Variants in CTNNA2 observed in about 807,000 individuals in gnomAD.
CTNNA2 encodes catenin alpha 2.
Under a neutral mutation model 101.0 loss-of-function variants are expected in CTNNA2, and 42 were observed. The ratio of observed to expected loss-of-function variants is 0.42; its 90% CI spans 0.32 to 0.54. The LOEUF (loss-of-function observed/expected upper bound fraction) is 0.54. Among genes scored for constraint, CTNNA2 ranks in the 20% least tolerant of loss-of-function variants. The pLI is 0.14. For synonymous variants in CTNNA2, 450 were observed against 456.4 expected (o/e 0.99, Z 0.18); for missense variants, 871 against 1,223.1 (o/e 0.71, Z 4.29).
At chr2:80,588,480 G>A (rs1328119711) in intron 14 of CTNNA2, among the ~76,000 whole-genome samples, 2 of 152,126 alleles carry the variant, frequency 1.3e-5, no homozygotes, top group South Asian at 2.1e-4. Context: ...AAATGACCAC[G>A]AAAATGCTAC....
intron 2 of CTNNA2, among the ~76,000 whole-genome samples, chr2:79,712,269 AC>A (rs1241558851): frequency 3.3e-5 from 5 of 152,192 alleles, no homozygotes; most frequent in Non-Finnish European, 5.9e-5. Flanking sequence ...TTCAGCTCCT[AC>A]CAAGCAATGC....
At chr2:79,664,182 A>G (rs1015605447) in intron 2 of CTNNA2, among the ~76,000 whole-genome samples, 4 of 152,190 alleles carry the variant, frequency 2.6e-5, no homozygotes, top group African/African-American at 9.6e-5. Flanking sequence ...TTTCTTATAT[A>G]TTGCATATGC....
At chr2:80,215,962 C>T (rs906044356) in intron 7 of CTNNA2, among the ~76,000 whole-genome samples, 1 of 152,196 alleles carries the variant, frequency 6.6e-6, no homozygotes, top group African/African-American at 2.4e-5. Context: ...TCAGCAATGG[C>T]AGACACCCCT....
At chr2:79,284,797 C>T (rs540710625) in intron 2 of CTNNA2, among the ~76,000 whole-genome samples, 6 of 148,988 alleles carry the variant, frequency 4.0e-5, no homozygotes, top group East Asian at 4.0e-4. Flanking sequence ...GGAGGATTCC[C>T]TCTTTTTCTA....
chr2:79,651,555 G>A lies in CTNNA2; in HGVS notation c.-2G>A, dbSNP rs771933901. 8 of 1,613,230 alleles carry A rather than the reference G, an allele frequency of 5.0e-6. No individual in the cohort carries two copies. The highest frequency in any genetic ancestry group is 1.1e-5 in the South Asian group (1 of 91,054). ...CTGATTACATGTGTTCCCATAGGGA[G>A]CATGACTTCGGCAACTTCACCTATC... is the stretch of plus-strand genomic sequence containing the variant. On this transcript the variant is annotated 5_prime_UTR_variant, in exon 2 of 19. Transcript: ENST00000402739.
chr2:80,332,673 G>A lies in CTNNA2; in HGVS notation c.1057-60538G>A, dbSNP rs185824533. Reference sequence around the variant, plus strand: ...GAAATCAAAGCCATTTTAGAAAGACGAGTTAGAGAGCAGGCATGGTATGAT... The same window carrying A: ...GAAATCAAAGCCATTTTAGAAAGACAAGTTAGAGAGCAGGCATGGTATGAT... On this transcript the variant is annotated intron_variant, in intron 7 of 18. Transcript: ENST00000402739. 7.2e-5 allele frequency among the ~76,000 whole-genome samples: 11 copies of A among 152,172 alleles called. No homozygotes were observed. The East Asian group carries it at 9.6e-4, about 13-fold the overall frequency.
chr2:79,952,197 A>G (rs1478405120), intron 7 of CTNNA2, among the ~76,000 whole-genome samples: 2 of 152,066 alleles, frequency 1.3e-5, no homozygotes, highest in African/African-American at 4.8e-5. Context: ...CTTATTTTTT[A>G]TAGTCTTCAC....
Position 80,555,848 on chromosome 2 carries a change from T to G in CTNNA2, c.1696T>G (p.Tyr566Asp). ...AEMENYEAGVYTEKVLEATKL... is the reference protein window; with the variant it reads ...AEMENYEAGVDTEKVLEATKL... The stretch of plus-strand genomic sequence containing the variant: ...GATGGAGAACTATGAAGCTGGGGTT[T>G]ATACTGAGAAGGTGTTGGAAGCTAC... The change falls in exon 12 of 19, where the codon TAT becomes GAT. Residue 566 changes from tyrosine (Y) to aspartate (D), a missense_variant. Physicochemically the swap from Tyr to Asp is radical, Grantham distance 160 (BLOSUM62 -3). Transcript: ENST00000402739. 1 of 1,586,674 alleles carries G rather than the reference T, an allele frequency of 6.3e-7. No homozygotes were observed. The highest frequency in any genetic ancestry group is 1.8e-5 in the Admixed American group (1 of 56,242).
intron 3 of CTNNA2, among the ~76,000 whole-genome samples, chr2:79,833,526 C>T (rs1270769800): frequency 1.3e-5 from 2 of 152,160 alleles, no homozygotes; most frequent in Non-Finnish European, 2.9e-5. Context: ...ATAACACACT[C>T]TTCAGACATT....
At chr2:79,325,396 C>A (rs1676723665) in intron 3 of CTNNA2, among the ~76,000 whole-genome samples, 1 of 152,114 alleles carries the variant, frequency 6.6e-6, no homozygotes, top group Non-Finnish European at 1.5e-5. Flanking sequence ...AGAGTTCGTA[C>A]AAAAATAAGA....
intron 9 of CTNNA2, among the ~76,000 whole-genome samples, chr2:80,445,311 G>A (rs1289221716): frequency 6.6e-6 from 1 of 151,822 alleles, no homozygotes; most frequent in Non-Finnish European, 1.5e-5. Flanking sequence ...CCTCCCGAGT[G>A]GCTGGGACTC....
At chr2:79,733,879 A>G (rs1329186910) in intron 2 of CTNNA2, among the ~76,000 whole-genome samples, 2 of 152,142 alleles carry the variant, frequency 1.3e-5, no homozygotes, top group Non-Finnish European at 2.9e-5. Flanking sequence ...AGAGTGCAAT[A>G]AAAAGATGAT....
intron 2 of CTNNA2, among the ~76,000 whole-genome samples, chr2:79,237,198 G>A (rs1361729070): frequency 1.3e-5 from 2 of 152,200 alleles, no homozygotes; most frequent in Non-Finnish European, 1.5e-5. Flanking sequence ...AAGCCATGAA[G>A]CCAACATTAA....
intron 1 of CTNNA2, among the ~76,000 whole-genome samples, chr2:79,637,466 C>A (rs531663343): frequency 1.3e-5 from 2 of 152,284 alleles, no homozygotes; most frequent in South Asian, 4.2e-4. Flanking sequence ...ATGATTATGG[C>A]TGATGCCCAC....
At chr2:79,747,335 T>G (rs1671715030) in intron 3 of CTNNA2, among the ~76,000 whole-genome samples, 1 of 152,156 alleles carries the variant, frequency 6.6e-6, no homozygotes, top group Non-Finnish European at 1.5e-5. Context: ...GATAGTTGTT[T>G]TATTTTTTTC....
At chr2:79,754,963 C>T (rs1368156266) in intron 3 of CTNNA2, among the ~76,000 whole-genome samples, 1 of 151,996 alleles carries the variant, frequency 6.6e-6, no homozygotes, top group African/African-American at 2.4e-5. Flanking sequence ...ACTCATGTAT[C>T]TTCCCTCTAC....
At chr2:80,317,875 C>T (rs1678281080) in intron 7 of CTNNA2, among the ~76,000 whole-genome samples, 1 of 152,098 alleles carries the variant, frequency 6.6e-6, no homozygotes, top group African/African-American at 2.4e-5. Context: ...ACATCACCTG[C>T]TACTTCCTTG....
At chr2:80,293,065 T>C (rs1375388005) in intron 7 of CTNNA2, among the ~76,000 whole-genome samples, 1 of 152,210 alleles carries the variant, frequency 6.6e-6, no homozygotes, top group Non-Finnish European at 1.5e-5. Context: ...AGAAACACAG[T>C]CTCAGTTTCA....
At chr2:79,220,112 C>G (rs547340565) in intron 2 of CTNNA2, among the ~76,000 whole-genome samples, 1 of 152,104 alleles carries the variant, frequency 6.6e-6, no homozygotes, top group South Asian at 2.1e-4. Flanking sequence ...TCTTAATCAG[C>G]GCTTCCCCCA....
Sources: gnomAD v4.1 joint callset for allele counts (sites outside exome capture counted in the v4.1 genomes callset) on GRCh38, gnomAD v4.1.1 for gene constraint, MANE v1.5 for transcripts, NCBI Gene and HGNC (gene_info 2026-07-23, HGNC 2026-07-21) for gene names.